The following ZNF654 variants were observed in gnomAD, a reference collection of about 807,000 sequenced individuals.
The protein encoded by ZNF654 is zinc finger protein 654.
In ZNF654, 19 loss-of-function variants were observed where a neutral mutation model predicts 95.3. The observed-to-expected ratio is 0.20, with a 90% CI of 0.14 to 0.29. The LOEUF (loss-of-function observed/expected upper bound fraction) is 0.29. ZNF654 is among the 10% of genes least tolerant of loss of function. ZNF654 has a pLI of 1.00. For missense variants in ZNF654, 1,046 were observed against 1,341.0 expected, an observed-to-expected ratio of 0.78 and a Z score of 3.44; for synonymous variants, 413 against 457.9, an observed-to-expected ratio of 0.90 and a Z score of 1.25.
chr3:88,091,283 C>T (rs146086120), intron 2 of ZNF654, among the ~76,000 whole-genome samples: 6 of 151,956 alleles, frequency 3.9e-5, no homozygotes, highest in African/African-American at 7.2e-5. Context: ...GAACTGGCTA[C>T]GTAGACAAAA....
intron 6 of ZNF654, among the ~76,000 whole-genome samples, chr3:88,130,237 C>A (rs2107839212): frequency 6.6e-6 from 1 of 152,256 alleles, no homozygotes; most frequent in South Asian, 2.1e-4. Flanking sequence ...TCTGTTTCCT[C>A]AGCTCCAGTA....
intron 1 of ZNF654, among the ~76,000 whole-genome samples, chr3:88,072,696 A>G (rs919496355): frequency 6.6e-6 from 1 of 152,148 alleles, no homozygotes; most frequent in African/African-American, 2.4e-5. Context: ...TATTAATATT[A>G]TATTTAAAGG....
At chr3:88,109,981 C>G (rs1217905945) in intron 2 of ZNF654, among the ~76,000 whole-genome samples, 2 of 152,024 alleles carry the variant, frequency 1.3e-5, no homozygotes, top group Non-Finnish European at 2.9e-5. Flanking sequence ...TGTTACATTT[C>G]AACAAAATTG....
At chr3:88,095,136 A>G (rs1230384249) in intron 2 of ZNF654, among the ~76,000 whole-genome samples, 1 of 152,160 alleles carries the variant, frequency 6.6e-6, no homozygotes, top group Non-Finnish European at 1.5e-5. Flanking sequence ...TATCTTGAAA[A>G]GGTTTTCCCT....
chr3:88,077,691 C>T (rs1707887921), intron 1 of ZNF654, among the ~76,000 whole-genome samples: 1 of 54,342 alleles, frequency 1.8e-5, no homozygotes, highest in South Asian at 1.3e-3. Flanking sequence ...TGCTGTAATA[C>T]TTACTATTTT....
chr3:88,059,650 C>T (rs915586516), intron 1 of ZNF654, 145 bp downstream of exon 1: 6 of 1,256,390 alleles, frequency 4.8e-6, no homozygotes, highest in Middle Eastern at 2.4e-4. Context: ...CCCTCCTCCA[C>T]TTATCCGGCT....
At position 88,140,866 on chromosome 3, in the gene ZNF654, G is replaced by A. The variant is rs746325430; in HGVS notation, c.3197G>A (p.Arg1066His). The change falls in exon 8 of 9, where the codon CGC becomes CAC. Residue 1066 changes from arginine (R) to histidine (H), a missense_variant. Arg to His is a conservative substitution (Grantham distance 29). This residue lies in a region of ZNF654 where 59 missense variants were observed against 73.0 expected (regional missense o/e 0.81). Transcript: ENST00000636215. The stretch of plus-strand genomic sequence containing the variant: ...GAACGGTATCTTAGTATGCCAAAAC[G>A]CAGAAAATTTCTGACTGATAGAGTA... ...LDERYLSMPK[R>H]RKFLTDRVDA... 6.2e-7 allele frequency: 1 copy of A among 1,613,518 alleles called. No homozygotes were observed. Among genetic ancestry groups the A allele is most frequent in the Non-Finnish European group, 8.5e-7 (1 of 1,179,672 alleles).
rs1707004030 is a variant in ZNF654, at chr3:88,139,761, G to C, written c.2092G>C (p.Asp698His). The C allele has an allele frequency of 6.4e-7, 1 of 1,554,430 alleles. No individual in the cohort carries two copies. The highest frequency in any genetic ancestry group is 1.4e-5 in the African/African-American group (1 of 73,264). The change falls in exon 8 of 9, where the codon GAT becomes CAT. Residue 698 changes from aspartate to histidine, a missense_variant. Asp to His is a moderately conservative substitution (Grantham distance 81). Around this residue, in one of 9 missense-constraint regions of ZNF654, gnomAD observed 495 missense variants for 537.0 expected, o/e 0.92. Coordinates refer to ENST00000636215, the MANE Select transcript of ZNF654 (RefSeq NM_001350134.2). ...NVFKPLTECG[D>H]DYEEEEDEEG... ...TTTCAAGCCTTTAACTGAATGTGGG[G>C]ATGATTATGAGGAGGAAGAGGATGA...
intron 2 of ZNF654, among the ~76,000 whole-genome samples, chr3:88,094,129 G>GTTT (rs1703914002): frequency 6.7e-6 from 1 of 149,198 alleles, no homozygotes. Flanking sequence ...GGCAGTTGGT[G>GTTT]GTCTTAATTC....
rs1706964783 is a variant in ZNF654, at chr3:88,138,987, A to G, written c.1318A>G (p.Ile440Val). 8.0e-7 allele frequency: 1 copy of G among 1,246,446 alleles called. No individual in the cohort carries two copies. Among genetic ancestry groups the G allele is most frequent in the Non-Finnish European group, 1.0e-6 (1 of 997,700 alleles). The allele number at this position is 1,246,446 out of a possible 1,614,324, so 77.2% of individuals were successfully genotyped here. The change falls in exon 8 of 9, where the codon ATT (isoleucine) becomes GTT (valine). Residue 440 changes from isoleucine to valine, a missense_variant. Ile to Val is a conservative substitution (Grantham distance 29). Around this residue, in one of 9 missense-constraint regions of ZNF654, gnomAD observed 78 missense variants for 154.2 expected, o/e 0.51. Coordinates refer to ENST00000636215, the MANE Select transcript of ZNF654 (RefSeq NM_001350134.2). ...QNRVRFELLPILKKGLFFDPE... is the reference protein window; with the variant it reads ...QNRVRFELLPVLKKGLFFDPE... Reference sequence around the variant, plus strand: ...TCGTGTTCGTTTTGAATTGCTTCCAATTTTGAAAAAGGGATTGTTTTTTGA... The same window carrying G: ...TCGTGTTCGTTTTGAATTGCTTCCAGTTTTGAAAAAGGGATTGTTTTTTGA...
At position 88,139,729 on chromosome 3, in the gene ZNF654, A is replaced by G. The variant is rs1167433593; in HGVS notation, c.2060A>G (p.Asn687Ser). 3.2e-6 allele frequency: 5 copies of G among 1,559,086 alleles called. No homozygotes were observed. Among genetic ancestry groups the G allele is most frequent in the East Asian group, 2.4e-5 (1 of 41,720 alleles). ...IENGSPNNSL[N>S]NVFKPLTECG... Reference sequence around the variant, plus strand: ...AATGGCAGTCCTAATAATTCTTTAAATAATGTTTTCAAGCCTTTAACTGAA... The same window carrying G: ...AATGGCAGTCCTAATAATTCTTTAAGTAATGTTTTCAAGCCTTTAACTGAA... Residue 687 changes from asparagine (N) to serine (S), a missense_variant, in exon 8 of 9, where the codon AAT becomes AGT. By Grantham distance (46) the Asn-to-Ser change is conservative. Transcript: ENST00000636215.
chr3:88,116,571 C>T (rs1705414688), intron 3 of ZNF654, among the ~76,000 whole-genome samples: 1 of 151,030 alleles, frequency 6.6e-6, no homozygotes, highest in African/African-American at 2.4e-5. Flanking sequence ...TACACACACA[C>T]ACACACATGC....
At position 88,060,767 on chromosome 3, in the gene ZNF654, A is replaced by G. The variant is rs540490320; in HGVS notation, c.186+1262A>G. Reference sequence around the variant, plus strand: ...TGCTGACATTTCTTTCAATGCTTGTAAGGGATTTTTTCAATGCTTGTAAGG... The same window carrying G: ...TGCTGACATTTCTTTCAATGCTTGTGAGGGATTTTTTCAATGCTTGTAAGG... On this transcript the variant is annotated intron_variant, in intron 1 of 8. Transcript: ENST00000636215. Among the ~76,000 whole-genome samples the G allele has an allele frequency of 5.9e-5, 9 of 152,250 alleles. No homozygotes were observed. The East Asian group carries it at 1.7e-3, about 29-fold the overall frequency.
chr3:88,065,536 CCT>C (rs2107595571), intron 1 of ZNF654, among the ~76,000 whole-genome samples: 1 of 152,142 alleles, frequency 6.6e-6, no homozygotes, highest in Admixed American at 6.5e-5. Flanking sequence ...GGTGATTTCA[CCT>C]TTGTAAATAA....
intron 1 of ZNF654, among the ~76,000 whole-genome samples, chr3:88,077,315 A>AT (rs1298590640): frequency 6.6e-6 from 1 of 152,018 alleles, no homozygotes; most frequent in East Asian, 1.9e-4. Context: ...AAAAAGAGAA[A>AT]AAGTTGCAGA....
In ZNF654 at chr3:88,139,375, A is replaced by C. The variant is rs759352641; in HGVS notation, c.1706A>C (p.Lys569Thr). The part of the protein sequence containing the change: ...IVRHAQAHQK[K>T]GSFACVICGR... ...AGGCATGCCCAGGCTCATCAGAAAA[A>C]AGGCAGTTTTGCATGTGTAATATGT... The change falls in exon 8 of 9, where the codon AAA becomes ACA. Residue 569 changes from lysine to threonine, a missense_variant. Lys to Thr is a moderately conservative substitution (Grantham distance 78, BLOSUM62 -1). Transcript: ENST00000636215. The C allele has an allele frequency of 1.8e-4, 290 of 1,613,424 alleles. No individual in the cohort carries two copies. Among genetic ancestry groups the C allele is most frequent in the Non-Finnish European group, 2.2e-4 (264 of 1,179,744 alleles).
chr3:88,095,535 AG>A, intron 2 of ZNF654: 1 of 498,560 alleles, frequency 2.0e-6, no homozygotes, highest in Admixed American at 2.2e-5. Context: ...TGCAAGAACC[AG>A]GTCTGCTTCA....
rs374934253 is a variant in ZNF654, at chr3:88,140,868, A to C, written c.3199A>C (p.Arg1067=). Residue 1067 remains arginine (R), a synonymous_variant, in exon 8 of 9, where the codon AGA becomes CGA. Coordinates refer to ENST00000636215, the MANE Select transcript of ZNF654 (RefSeq NM_001350134.2). Reference sequence around the variant, plus strand: ...ACGGTATCTTAGTATGCCAAAACGCAGAAAATTTCTGACTGATAGAGTAGA... The same window carrying C: ...ACGGTATCTTAGTATGCCAAAACGCCGAAAATTTCTGACTGATAGAGTAGA... ...DERYLSMPKR[R]KFLTDRVDAC... 294 of 1,613,578 alleles carry C rather than the reference A, an allele frequency of 1.8e-4. 1 individual carries two copies. The highest frequency in any genetic ancestry group is 2.3e-4 in the Non-Finnish European group (267 of 1,179,698).
intron 2 of ZNF654, among the ~76,000 whole-genome samples, chr3:88,112,840 A>G (rs13083119): frequency 1.3e-5 from 2 of 152,006 alleles, no homozygotes; most frequent in East Asian, 3.8e-4. Flanking sequence ...ATGCCATTAA[A>G]TTGTATTGCA....
Sources: allele counts gnomAD v4.1 joint callset (sites outside exome capture counted in the v4.1 genomes callset), GRCh38; gene constraint gnomAD v4.1.1; regional missense constraint gnomAD v4.1.1; transcripts MANE v1.5; gene names NCBI Gene and HGNC (gene_info 2026-07-23, HGNC 2026-07-21).